Variants in CLUH observed in about 807,000 individuals in gnomAD.
The protein encoded by CLUH is clustered mitochondria protein homolog.
CLUH carries 77 observed loss-of-function variants against 139.3 expected under a neutral mutation model. The observed-to-expected ratio is 0.55, with a 90% CI of 0.46 to 0.67. The LOEUF is 0.67. Among genes scored for constraint, CLUH ranks in the 30% least tolerant of loss-of-function variants. CLUH has a pLI of 0.00. For synonymous variants in CLUH, 999 were observed against 801.6 expected (o/e 1.25, Z -4.16); for missense variants, 1,876 against 1,875.8 (o/e 1.00, Z 0.00).
At chr17:2,699,104 G>A (rs776125386) in intron 9 of CLUH, among the ~76,000 whole-genome samples, 1 of 152,266 alleles carries the variant, frequency 6.6e-6, no homozygotes, top group South Asian at 2.1e-4. Context: ...TGTGCTGAGG[G>A]AGACAGCAGG....
At position 2,698,106 on chromosome 17, in the gene CLUH, C is replaced by A; in HGVS notation, c.1751G>T (p.Cys584Phe). 6.2e-7 allele frequency: 1 copy of A among 1,601,978 alleles called. No individual in the cohort carries two copies. Among genetic ancestry groups the A allele is most frequent in the Admixed American group, 1.7e-5 (1 of 58,628 alleles). The change falls in exon 10 of 26, where the codon TGC (cysteine) becomes TTC (phenylalanine). Residue 584 changes from cysteine to phenylalanine, a missense_variant. By Grantham distance (205) the Cys-to-Phe change is radical. This residue lies in a region of CLUH where 1,454 missense variants were observed against 1,384.4 expected (regional missense o/e 1.05). Transcript: ENST00000651024. The stretch of plus-strand genomic sequence containing the variant: ...GATGCCCTTGCACTCGACCGAGGAG[C>A]AGAGCTCCACCTCCTCGTCACGGTC... The part of the protein sequence containing the change: ...LNDRDEEVEL[C>F]SSVECKGIIG...
rs769893423 is a variant in CLUH at position 2,695,142 on chromosome 17, C to A, written c.2608-41G>T. On this transcript the variant is annotated intron_variant, in intron 15 of 25. Transcript: ENST00000651024. ...GATCCGAGTCATGAGGGCCCTCAGC[C>A]CCACCTCAGGCTCTTTCCCGACGCC... The A allele has an allele frequency of 1.9e-6, 3 of 1,612,958 alleles. No homozygotes were observed. In the Admixed American group the frequency reaches 5.0e-5, roughly 27 times the overall value.
In CLUH at chr17:2,701,235, G is replaced by T; in HGVS notation, c.930C>A (p.Pro310=). 12 of 1,613,542 alleles carry T rather than the reference G, an allele frequency of 7.4e-6. No individual in the cohort carries two copies. Among genetic ancestry groups the T allele is most frequent in the Non-Finnish European group, 1.0e-5 (12 of 1,179,742 alleles). The change falls in exon 7 of 26, where the codon CCC becomes CCA. Residue 310 remains proline (P), a synonymous_variant. Coordinates refer to ENST00000651024, the MANE Select transcript of CLUH (RefSeq NM_001366661.1). ...AATGGCTTAGGAAGCGGGGGCTGGC[G>T]GGCTTGGGGTTGAAGTGATAAGCTG... ...QSTAYHFNPK[P]ASPRFLSHSL... is the part of the protein sequence containing the mutation.
chr17:2,697,571 C>T (rs901245043), intron 10 of CLUH, among the ~76,000 whole-genome samples: 1 of 152,180 alleles, frequency 6.6e-6, no homozygotes, highest in African/African-American at 2.4e-5. Context: ...TAAACACCAG[C>T]GGCGGGGACC....
chr17:2,692,287 G>C, intron 22 of CLUH, 74 bp downstream of exon 22: 10 of 1,469,730 alleles, frequency 6.8e-6, no homozygotes, highest in East Asian at 2.5e-5. Flanking sequence ...AGGAGCACTG[G>C]GTCTCTTCCC....
intron 1 of CLUH, among the ~76,000 whole-genome samples, chr17:2,709,113 G>C (rs773392522): frequency 6.6e-6 from 1 of 152,096 alleles, no homozygotes; most frequent in Non-Finnish European, 1.5e-5. Flanking sequence ...GCTCAAAGGC[G>C]GCAGAGAGGA....
In CLUH at chr17:2,690,548, T is replaced by C; in HGVS notation, c.*46A>G. 7.1e-7 allele frequency: 1 copy of C among 1,399,694 alleles called. No individual in the cohort carries two copies. Among genetic ancestry groups the C allele is most frequent in the Non-Finnish European group, 9.3e-7 (1 of 1,071,086 alleles). 86.7% of individuals were successfully genotyped at this position (1,399,694 alleles called of 1,614,324 possible). ...TCGCCCCCTTCTCCCGCAGTCGGGC[T>C]CCCTGGTGACGGGGCCGCTGGCTGG... On this transcript the variant is annotated 3_prime_UTR_variant, in exon 26 of 26. Transcript: ENST00000651024.
Position 2,691,963 on chromosome 17 carries a change from CCCCGCCCCGCCCCCGCCCCCGCCA to C in CLUH, c.3654+17_3654+40del, listed in dbSNP as rs745450399. ...CGGCCCCGCCCCCGCCCCGCCACGCCCCCGCCCCGCCCCCGCCCCCGCCACGCCCCCGCCGCGCACCTGCGTCTT... is the reference window on the plus strand; with the variant it reads ...CGGCCCCGCCCCCGCCCCGCCACGCCCGCCCCCGCCGCGCACCTGCGTCTT... On this transcript the variant is annotated intron_variant, in intron 23 of 25. Transcript: ENST00000651024. 3,400 of 709,974 alleles carry C rather than the reference CCCCGCCCCGCCCCCGCCCCCGCCA, an allele frequency of 4.8e-3. 180 individuals carry two copies. Among genetic ancestry groups the C allele is most frequent in the Middle Eastern group, 0.039 (72 of 1,828 alleles). The allele number at this position is 709,974 out of a possible 1,614,324, so 44.0% of individuals were successfully genotyped here.
In CLUH at chr17:2,700,517, CCT is replaced by C. The variant is rs763703117; in HGVS notation, c.1174-45_1174-44del. The C allele has an allele frequency of 6.0e-5, 95 of 1,585,196 alleles. No individual in the cohort carries two copies. The African/African-American group carries it at 1.1e-3, about 19-fold the overall frequency. ...AGGGAAAAACGAGCTCAGCCTGTGC[CCT>C]GTGACCTGCTCCCGGAAGTCGCTCC... On this transcript the variant is annotated intron_variant, in intron 8 of 25. Transcript: ENST00000651024.
chr17:2,703,565 G>C lies in CLUH; in HGVS notation c.304-76C>G. ...GAGAAGGCCCCAACCGCCCCGGTGA[G>C]AGGCCACGTAGCGGACAGCAAGGAC... On this transcript the variant is annotated intron_variant, in intron 2 of 25. Transcript: ENST00000651024. The surrounding 1 kb of genome is among the most constrained non-coding windows in gnomAD (Gnocchi z 4.2). 1 of 1,473,950 alleles carries C rather than the reference G, an allele frequency of 6.8e-7. No individual in the cohort carries two copies. Among genetic ancestry groups the C allele is most frequent in the South Asian group, 1.2e-5 (1 of 83,544 alleles). 91.3% of individuals were successfully genotyped at this position (1,473,950 alleles called of 1,614,324 possible). A position where few individuals can be genotyped will look rare whatever the true frequency, so the allele number is the denominator to read the frequency against.
rs1466938196 is a variant in CLUH at position 2,689,886 on chromosome 17, T to A, written c.*708A>T. The A allele has an allele frequency of 6.6e-6, 1 of 152,576 alleles. No individual in the cohort carries two copies. The allele number at this position is 152,576 out of a possible 1,614,324, so 9.5% of individuals were successfully genotyped here. On this transcript the variant is annotated 3_prime_UTR_variant, in exon 26 of 26. Transcript: ENST00000651024. The stretch of plus-strand genomic sequence containing the variant: ...CGCAGGCCCCAAGGCTGCGCCCAGC[T>A]GGGTGCAGGGAGTAGGGAGCCGAGT...
At position 2,696,766 on chromosome 17, in the gene CLUH, G is replaced by T; in HGVS notation, c.2138C>A (p.Ala713Asp). ...GGTCTCTGCCAGCTCCTTCACCTTG[G>T]CCAGGCCGCTGGCGCTGCTACCCTC... is the stretch of plus-strand genomic sequence containing the variant. ...EEEGSSASGL[A>D]KVKELAETIA... Residue 713 changes from alanine to aspartate, a missense_variant, in exon 11 of 26, where the codon GCC (alanine) becomes GAC (aspartate). Coordinates refer to ENST00000651024, the MANE Select transcript of CLUH (RefSeq NM_001366661.1). 1 of 1,612,696 alleles carries T rather than the reference G, an allele frequency of 6.2e-7. No homozygotes were observed. Among genetic ancestry groups the T allele is most frequent in the Non-Finnish European group, 8.5e-7 (1 of 1,179,882 alleles).
At chr17:2,701,878 C>T in intron 4 of CLUH, 36 bp downstream of exon 4, 2 of 1,612,058 alleles carry the variant, frequency 1.2e-6, no homozygotes, top group Non-Finnish European at 8.5e-7. Flanking sequence ...GCTCCCCGCC[C>T]TTTGGCCCAA....
chr17:2,692,624 A>G lies in CLUH; in HGVS notation c.3385T>C (p.Tyr1129His). ...TALSLLYRAR[Y>H]LMLLVFGEDH... Reference sequence around the variant, plus strand: ...TCCCCGAACACCAGCAGCATGAGGTAGCGGGCGCGGTACAGCAGGCTCAGG... The same window carrying G: ...TCCCCGAACACCAGCAGCATGAGGTGGCGGGCGCGGTACAGCAGGCTCAGG... Residue 1129 changes from tyrosine to histidine, a missense_variant, in exon 21 of 26, where the codon TAC (tyrosine) becomes CAC (histidine). Physicochemically the swap from Tyr to His is moderately conservative, Grantham distance 83. This residue lies in a region of CLUH where 1,454 missense variants were observed against 1,384.4 expected (regional missense o/e 1.05). Transcript: ENST00000651024. 1 of 1,612,900 alleles carries G rather than the reference A, an allele frequency of 6.2e-7. No homozygotes were observed. The highest frequency in any genetic ancestry group is 1.1e-5 in the South Asian group (1 of 91,068).
chr17:2,711,750 A>G lies in CLUH; in HGVS notation c.-89T>C. On this transcript the variant is annotated 5_prime_UTR_variant, in exon 1 of 26. Transcript: ENST00000651024. ...CCCTGCGCGCCGCGGCTGCTGAGGG[A>G]AGGACGGAGTCACCGGCCCACGTGG... 2.0e-6 allele frequency: 1 copy of G among 490,218 alleles called. No individual in the cohort carries two copies. The allele number at this position is 490,218 out of a possible 1,614,324, so 30.4% of individuals were successfully genotyped here. A position where few individuals can be genotyped will look rare whatever the true frequency, so the allele number is the denominator to read the frequency against.
At chr17:2,696,573 C>A in intron 11 of CLUH, 35 bp from the exon 12 acceptor site, 1 of 1,541,754 alleles carries the variant, frequency 6.5e-7, no homozygotes, top group South Asian at 1.2e-5. Context: ...CACGGGTCCC[C>A]TCTGCCACCG....
At chr17:2,691,942 CCCG>C in intron 23 of CLUH, 47 bp from the exon 24 acceptor site, 6 of 1,272,256 alleles carry the variant, frequency 4.7e-6, no homozygotes, top group Non-Finnish European at 5.0e-6. Context: ...CCCCCGCGGC[CCCG>C]CCCCCGCCCC....
Position 2,707,852 on chromosome 17 carries a change from GC to G in CLUH, c.101-3289del. ...GCTGCCCCCTGCAGGTGACCTGGCT[GC>G]CAGCCCCTTCCTGGGAGTCACTGGT... is the stretch of plus-strand genomic sequence containing the variant. On this transcript the variant is annotated intron_variant, in intron 1 of 25. Transcript: ENST00000651024. The surrounding 1 kb of genome is among the most constrained non-coding windows in gnomAD (Gnocchi z 7.4). 1 of 985,470 alleles carries G rather than the reference GC, an allele frequency of 1.0e-6. No individual in the cohort carries two copies. Among genetic ancestry groups the G allele is most frequent in the Non-Finnish European group, 1.2e-6 (1 of 829,940 alleles). The allele number at this position is 985,470 out of a possible 1,614,324, so 61.0% of individuals were successfully genotyped here. A position where few individuals can be genotyped will look rare whatever the true frequency, so the allele number is the denominator to read the frequency against.
At position 2,694,837 on chromosome 17, in the gene CLUH, C is replaced by T. The variant is rs979716156; in HGVS notation, c.2852+20G>A. On this transcript the variant is annotated intron_variant, in intron 16 of 25. Coordinates refer to ENST00000651024, the MANE Select transcript of CLUH (RefSeq NM_001366661.1). ...ATCTGCCCAATCCCACCCACCCCAC[C>T]GCCCCTGCCCCGCACGCACCACTCG... 1.0e-5 allele frequency: 15 copies of T among 1,466,996 alleles called. No homozygotes were observed. The highest frequency in any genetic ancestry group is 2.8e-5 in the African/African-American group (2 of 70,604). 90.9% of individuals were successfully genotyped at this position (1,466,996 alleles called of 1,614,324 possible).
Sources: gnomAD v4.1 joint callset for allele counts (sites outside exome capture counted in the v4.1 genomes callset) on GRCh38, gnomAD v4.1.1 for gene constraint, gnomAD v4.1.1 regional missense constraint, Gnocchi (gnomAD v3.1) non-coding constraint, MANE v1.5 for transcripts, NCBI Gene and HGNC (gene_info 2026-07-23, HGNC 2026-07-21) for gene names.